SLC39A11: variants seen among roughly 807,000 people sequenced by gnomAD.
SLC39A11 encodes the protein solute carrier family 39 member 11.
A neutral mutation model predicts 36.1 loss-of-function variants in SLC39A11; 33 were observed. That is an observed-to-expected ratio of 0.91 (90% CI 0.69 to 1.22). SLC39A11 has a LOEUF of 1.22. Ranked by LOEUF, SLC39A11 falls within the 50% of genes most tolerant of loss-of-function variation. The pLI is 0.00. For missense variants in SLC39A11, 432 were observed against 430.3 expected (o/e 1.00, Z -0.03); for synonymous variants, 166 against 170.3 (o/e 0.97, Z 0.20).
Position 73,080,272 on chromosome 17 carries a change from C to G in SLC39A11, c.147+4536G>C, listed in dbSNP as rs2060468273. On this transcript the variant is annotated intron_variant, in intron 3 of 9. Coordinates refer to ENST00000255559, the MANE Select transcript of SLC39A11 (RefSeq NM_139177.4). ...CTACAGTCACCAAAACAGCATGGTA[C>G]TGGTATAAAAATAGACATGTAGACC... 2.6e-5 allele frequency among the ~76,000 whole-genome samples: 4 copies of G among 152,208 alleles called. No homozygotes were observed. In the South Asian group the frequency reaches 8.3e-4, roughly 32 times the overall value.
At chr17:72,922,431 C>G (rs2083725241) in intron 5 of SLC39A11, among the ~76,000 whole-genome samples, 1 of 152,238 alleles carries the variant, frequency 6.6e-6, no homozygotes, top group East Asian at 1.9e-4. Flanking sequence ...TGTTAAAACA[C>G]ATCCCTATTA....
Position 73,090,041 on chromosome 17 carries a change from G to A in SLC39A11, c.-11-1266C>T, listed in dbSNP as rs187762398. Among the ~76,000 whole-genome samples, 402 of 152,254 alleles carry A rather than the reference G, an allele frequency of 2.6e-3. 10 individuals carry two copies. The highest frequency in any genetic ancestry group is 2.6e-4 in the Non-Finnish European group (18 of 68,018). ...GCCTCATTCATCTCCCTGATGGTCTGCCAGCACCCAGAGGGCTGGCTGGAC... is the reference window on the plus strand; with the variant it reads ...GCCTCATTCATCTCCCTGATGGTCTACCAGCACCCAGAGGGCTGGCTGGAC... On this transcript the variant is annotated intron_variant, in intron 1 of 9. Transcript: ENST00000255559.
chr17:72,787,498 C>T (rs1450835682), intron 6 of SLC39A11, among the ~76,000 whole-genome samples: 2 of 152,044 alleles, frequency 1.3e-5, no homozygotes, highest in Non-Finnish European at 2.9e-5. Flanking sequence ...ACCTCATGAT[C>T]CGCCTGCCTT....
chr17:72,905,911 G>A (rs2082635310), intron 5 of SLC39A11, among the ~76,000 whole-genome samples: 2 of 152,156 alleles, frequency 1.3e-5, no homozygotes, highest in East Asian at 1.9e-4. Flanking sequence ...CCGCCACCAC[G>A]CCCGGCTAAT....
intron 5 of SLC39A11, among the ~76,000 whole-genome samples, chr17:72,852,228 A>AAAAAAAAAAAAAAAAAAAAC (rs1491123331): frequency 6.7e-5 from 9 of 134,912 alleles, no homozygotes; most frequent in East Asian, 2.2e-4. Context: ...AAAAAAAAAA[A>AAAAAAAAAAAAAAAAAAAAC]CAGAAAGAAA....
intron 6 of SLC39A11, among the ~76,000 whole-genome samples, chr17:72,744,703 T>A (rs892695470): frequency 6.6e-6 from 1 of 152,070 alleles, no homozygotes; most frequent in South Asian, 2.1e-4. Flanking sequence ...ATAGGAAGGG[T>A]GAGGGGGCCT....
chr17:72,944,161 T>G (rs1283650728), intron 5 of SLC39A11, among the ~76,000 whole-genome samples: 1 of 152,134 alleles, frequency 6.6e-6, no homozygotes, highest in African/African-American at 2.4e-5. Context: ...GGGCATTCCC[T>G]CCTGTCTCCC....
intron 6 of SLC39A11, among the ~76,000 whole-genome samples, chr17:72,812,650 A>G (rs959557737): frequency 6.6e-5 from 10 of 152,230 alleles, no homozygotes; most frequent in Admixed American, 2.0e-4. Context: ...CTTGATTTGA[A>G]AAGTGCACAT....
rs189413288 is a variant in SLC39A11 at position 72,707,237 on chromosome 17, C to G, written c.671+29413G>C. 7.1e-3 allele frequency among the ~76,000 whole-genome samples: 1,079 copies of G among 152,084 alleles called. 6 individuals carry two copies. The highest frequency in any genetic ancestry group is 0.011 in the Admixed American group (173 of 15,280). ...CAACATAGGAAGACCCCCATTGCTACAAAAAATGTTTCTTTAAGTAGCTGG... is the reference window on the plus strand; with the variant it reads ...CAACATAGGAAGACCCCCATTGCTAGAAAAAATGTTTCTTTAAGTAGCTGG... On this transcript the variant is annotated intron_variant, in intron 7 of 9. Coordinates refer to ENST00000255559, the MANE Select transcript of SLC39A11 (RefSeq NM_139177.4).
intron 7 of SLC39A11, among the ~76,000 whole-genome samples, chr17:72,669,671 G>A (rs915075228): frequency 6.6e-6 from 1 of 152,056 alleles, no homozygotes; most frequent in Admixed American, 6.6e-5. Context: ...CCCTTTTATA[G>A]TTAGTAAAAA....
At chr17:72,822,791 T>C (rs2077850976) in intron 6 of SLC39A11, among the ~76,000 whole-genome samples, 1 of 148,118 alleles carries the variant, frequency 6.8e-6, no homozygotes, top group African/African-American at 2.4e-5. Flanking sequence ...CATAGCTCAC[T>C]GCAGCTTCAA....
intron 5 of SLC39A11, among the ~76,000 whole-genome samples, chr17:72,871,238 A>G (rs1332826714): frequency 6.6e-6 from 1 of 150,952 alleles, no homozygotes; most frequent in Non-Finnish European, 1.5e-5. Context: ...ATTTTTTTGT[A>G]TCTTAGTAGA....
At chr17:72,808,371 C>G (rs1256007417) in intron 6 of SLC39A11, among the ~76,000 whole-genome samples, 1 of 152,218 alleles carries the variant, frequency 6.6e-6, no homozygotes, top group Non-Finnish European at 1.5e-5. Flanking sequence ...CTCGCTCATT[C>G]TTAGGTGCAG....
chr17:72,903,598 T>C (rs927561429), intron 5 of SLC39A11, among the ~76,000 whole-genome samples: 2 of 152,166 alleles, frequency 1.3e-5, no homozygotes, highest in African/African-American at 2.4e-5. Context: ...AGCCCCCGGG[T>C]AATGAGCAGA....
intron 6 of SLC39A11, among the ~76,000 whole-genome samples, chr17:72,784,912 T>G (rs1294140335): frequency 6.7e-6 from 1 of 150,182 alleles, no homozygotes; most frequent in East Asian, 2.0e-4. Context: ...CAGGCTGGAG[T>G]GCAGTGGTGC....
At chr17:72,782,401 C>T (rs1439912668) in intron 6 of SLC39A11, among the ~76,000 whole-genome samples, 1 of 152,136 alleles carries the variant, frequency 6.6e-6, no homozygotes, top group Non-Finnish European at 1.5e-5. Context: ...ACCCAGTTTG[C>T]AGTACTGTGT....
At chr17:72,734,751 G>C (rs926053355) in intron 7 of SLC39A11, among the ~76,000 whole-genome samples, 12 of 152,244 alleles carry the variant, frequency 7.9e-5, no homozygotes, top group African/African-American at 2.9e-4. Context: ...TGGCCTGTGA[G>C]TTCCATGCCT....
chr17:72,693,712 G>T (rs1444944931), intron 7 of SLC39A11, among the ~76,000 whole-genome samples: 1 of 152,098 alleles, frequency 6.6e-6, no homozygotes. Flanking sequence ...CCTCAATCTG[G>T]AGTACAATGG....
intron 6 of SLC39A11, among the ~76,000 whole-genome samples, chr17:72,739,469 A>G (rs575066842): frequency 5.9e-5 from 9 of 152,314 alleles, no homozygotes; most frequent in African/African-American, 9.6e-5. Context: ...CTTTCCAGTT[A>G]TAAGAATTTT....
Sources: gnomAD v4.1 joint callset for allele counts (sites outside exome capture counted in the v4.1 genomes callset) on GRCh38, gnomAD v4.1.1 for gene constraint, MANE v1.5 for transcripts, NCBI Gene and HGNC (gene_info 2026-07-23, HGNC 2026-07-21) for gene names.